Variants in AGAP1 observed in about 807,000 individuals in gnomAD.
The protein encoded by AGAP1 is ArfGAP with GTPase domain, ankyrin repeat and PH domain 1.
Under a neutral mutation model 105.3 loss-of-function variants are expected in AGAP1, and 29 were observed. The ratio of observed to expected loss-of-function variants is 0.28; its 90% CI spans 0.21 to 0.38. The LOEUF (loss-of-function observed/expected upper bound fraction) is 0.38. Among genes scored for constraint, AGAP1 ranks in the 10% least tolerant of loss-of-function variants. The pLI, the probability that AGAP1 is intolerant of heterozygous loss-of-function variation, is 1.00. For missense variants in AGAP1, 998 were observed against 1,165.1 expected, an observed-to-expected ratio of 0.86 and a Z score of 2.09; for synonymous variants, 509 against 485.9, an observed-to-expected ratio of 1.05 and a Z score of -0.63.
At chr2:235,836,859 G>A (rs1035248344) in intron 9 of AGAP1, among the ~76,000 whole-genome samples, 3 of 152,176 alleles carry the variant, frequency 2.0e-5, no homozygotes, top group South Asian at 2.1e-4. Flanking sequence ...CAGGAGGAAC[G>A]GGTTACACTG....
At chr2:235,514,159 C>CGT (rs1455670494) in intron 1 of AGAP1, among the ~76,000 whole-genome samples, 2 of 66,308 alleles carry the variant, frequency 3.0e-5, no homozygotes, top group African/African-American at 1.2e-4. Flanking sequence ...CGCGTGCGCG[C>CGT]GCGCACACAC....
In AGAP1 at chr2:236,111,164, G is replaced by C. The variant is rs145878370; in HGVS notation, c.2115-9028G>C. On this transcript the variant is annotated intron_variant, in intron 16 of 17. Coordinates refer to ENST00000304032, the MANE Select transcript of AGAP1 (RefSeq NM_001037131.3). ...ACACAAACACACAGCAGTGATAAAA[G>C]AGCAGACTTTGTTGATAAATCCGTG... Among the ~76,000 whole-genome samples, 904 of 152,292 alleles carry C rather than the reference G, an allele frequency of 5.9e-3. 44 individuals are homozygous for C. Among genetic ancestry groups the C allele is most frequent in the Admixed American group, 0.054 (823 of 15,296 alleles).
rs2077712 is a variant in AGAP1 at position 236,044,172 on chromosome 2, G to A, written c.1891+3331G>A. Among the ~76,000 whole-genome samples, 16,122 of 152,108 alleles carry A rather than the reference G, an allele frequency of 0.11. 1,064 individuals are homozygous for A. Among genetic ancestry groups the A allele is most frequent in the Non-Finnish European group, 0.15 (10,133 of 67,966 alleles). ...CGACTCCCAGGAAGTTGCAGCCTTC[G>A]GACACCTGTGCTTCCGGGGAGTACT... On this transcript the variant is annotated intron_variant, in intron 15 of 17. Transcript: ENST00000304032. This position sits in a 1 kb window ranked among gnomAD's most constrained non-coding sequence, Gnocchi z 5.7.
At position 236,046,944 on chromosome 2, in the gene AGAP1, A is replaced by G. The variant is rs1447447650; in HGVS notation, c.1892-2115A>G. Among the ~76,000 whole-genome samples, 1 of 152,204 alleles carries G rather than the reference A, an allele frequency of 6.6e-6. No homozygotes were observed. Among genetic ancestry groups the G allele is most frequent in the Admixed American group, 6.5e-5 (1 of 15,286 alleles). On this transcript the variant is annotated intron_variant, in intron 15 of 17. Coordinates refer to ENST00000304032, the MANE Select transcript of AGAP1 (RefSeq NM_001037131.3). The surrounding 1 kb of genome is among the most constrained non-coding windows in gnomAD (Gnocchi z 5.2). ...GCCCAGTGGTTGAAGCCTGGGCAAC[A>G]TAGCAAGACCCCATCTGTGCAAAAA...
intron 1 of AGAP1, among the ~76,000 whole-genome samples, chr2:235,640,207 C>A (rs1416378748): frequency 6.6e-6 from 1 of 152,242 alleles, no homozygotes; most frequent in Non-Finnish European, 1.5e-5. Flanking sequence ...ACAGTTGTTT[C>A]AGGCAAGCTT....
At chr2:236,033,838 A>G (rs2057298562) in intron 13 of AGAP1, among the ~76,000 whole-genome samples, 1 of 152,242 alleles carries the variant, frequency 6.6e-6, no homozygotes, top group Non-Finnish European at 1.5e-5. Flanking sequence ...GGAAAGCTTT[A>G]CAGGGGACCA....
Position 236,062,089 on chromosome 2 carries a change from G to GCGGA in AGAP1, c.2114+12812_2114+12815dup, listed in dbSNP as rs2058212967. Among the ~76,000 whole-genome samples the GCGGA allele has an allele frequency of 6.6e-6, 1 of 152,120 alleles. No homozygotes were observed. The highest frequency in any genetic ancestry group is 1.5e-5 in the Non-Finnish European group (1 of 68,020). ...TGCACTGCAGCCAAATTCCTGCCCTGCGGACGGCCCACAGGGGAGCGAGAG... is the reference window on the plus strand; with the variant it reads ...TGCACTGCAGCCAAATTCCTGCCCTGCGGACGGACGGCCCACAGGGGAGCGAGAG... On this transcript the variant is annotated intron_variant, in intron 16 of 17. Transcript: ENST00000304032. The surrounding 1 kb of genome is among the most constrained non-coding windows in gnomAD (Gnocchi z 4.2).
intron 4 of AGAP1, among the ~76,000 whole-genome samples, chr2:235,743,999 T>C (rs1421281541): frequency 1.3e-5 from 2 of 152,202 alleles, no homozygotes; most frequent in African/African-American, 4.8e-5. Context: ...CAAAAGAGGA[T>C]GTGATGTAGG....
In AGAP1 at chr2:236,043,085, G is replaced by A. The variant is rs78456552; in HGVS notation, c.1891+2244G>A. Among the ~76,000 whole-genome samples, 127 of 152,342 alleles carry A rather than the reference G, an allele frequency of 8.3e-4. 2 individuals carry two copies. The East Asian group carries it at 0.022, about 26-fold the overall frequency. On this transcript the variant is annotated intron_variant, in intron 15 of 17. Transcript: ENST00000304032. ...ATTTTCTCAAGAATGGAAAGGCTCA[G>A]AAGATGTAGCACATTGGCAAGGATT...
chr2:236,117,562 A>G (rs1042373772), intron 16 of AGAP1, among the ~76,000 whole-genome samples: 29 of 152,356 alleles, frequency 1.9e-4, no homozygotes, highest in Non-Finnish European at 3.5e-4. Flanking sequence ...TAGTTCAGTT[A>G]TGTGGTTTAT....
At chr2:235,593,492 C>T (rs747229131) in intron 1 of AGAP1, among the ~76,000 whole-genome samples, 3 of 152,106 alleles carry the variant, frequency 2.0e-5, no homozygotes, top group Non-Finnish European at 2.9e-5. Context: ...TTAAATGTTT[C>T]TGATGAACTG....
intron 12 of AGAP1, among the ~76,000 whole-genome samples, chr2:235,938,426 A>G (rs2053095750): frequency 6.6e-6 from 1 of 152,234 alleles, no homozygotes; most frequent in Non-Finnish European, 1.5e-5. Flanking sequence ...GTATGAAGAC[A>G]GGGAGGGTGA....
intron 1 of AGAP1, among the ~76,000 whole-genome samples, chr2:235,627,478 G>A (rs567282397): frequency 1.8e-4 from 28 of 152,202 alleles, no homozygotes; most frequent in Non-Finnish European, 5.9e-5. Context: ...GTCCACCTTG[G>A]CCTCCCAAGG....
At position 235,614,952 on chromosome 2, in the gene AGAP1, A is replaced by G. The variant is rs941169416; in HGVS notation, c.164-94227A>G. Among the ~76,000 whole-genome samples, 2 of 152,216 alleles carry G rather than the reference A, an allele frequency of 1.3e-5. No individual in the cohort carries two copies. The highest frequency in any genetic ancestry group is 4.8e-5 in the African/African-American group (2 of 41,454). On this transcript the variant is annotated intron_variant, in intron 1 of 17. Coordinates refer to ENST00000304032, the MANE Select transcript of AGAP1 (RefSeq NM_001037131.3). This position sits in a 1 kb window ranked among gnomAD's most constrained non-coding sequence, Gnocchi z 4.7. ...CACTGGGGCCGACTTGAAAATAGTC[A>G]AAGTCCAAGTAAACTTCTGCCTGTG...
rs35278826 is a variant in AGAP1 at position 235,968,422 on chromosome 2, A to ATTT, written c.1484-25_1484-23dup. On this transcript the variant is annotated intron_variant, in intron 12 of 17. Transcript: ENST00000304032. ...TCTGCTTTGTAAGTGCTCACTCTGC[A>ATTT]TTTTTTTTTTTTTTTTTGCCTTTTC... 6.3e-4 allele frequency: 921 copies of ATTT among 1,451,870 alleles called. 2 individuals are homozygous for ATTT. In the African/African-American group the frequency reaches 0.013, roughly 21 times the overall value. 89.9% of individuals were successfully genotyped at this position (1,451,870 alleles called of 1,614,324 possible). A position where few individuals can be genotyped will look rare whatever the true frequency, so the allele number is the denominator to read the frequency against.
chr2:235,605,655 A>C (rs562824285), intron 1 of AGAP1, among the ~76,000 whole-genome samples: 1 of 152,362 alleles, frequency 6.6e-6, no homozygotes, highest in Non-Finnish European at 1.5e-5. Flanking sequence ...GAAAAATTTA[A>C]GCATTTTAGA....
chr2:235,887,831 C>A lies in AGAP1; in HGVS notation c.1155+4382C>A, dbSNP rs184208144. ...GGAAACTAGCATGCTTTTGGGGAGA[C>A]GGGATTCTAATCAGCTAATACTTCT... On this transcript the variant is annotated intron_variant, in intron 10 of 17. Transcript: ENST00000304032. The surrounding 1 kb of genome is among the most constrained non-coding windows in gnomAD (Gnocchi z 4.1). 1.6e-3 allele frequency among the ~76,000 whole-genome samples: 238 copies of A among 152,292 alleles called. 1 individual carries two copies. Among genetic ancestry groups the A allele is most frequent in the African/African-American group, 4.9e-3 (205 of 41,560 alleles).
chr2:235,985,524 C>G (rs2055276439), intron 13 of AGAP1, among the ~76,000 whole-genome samples: 1 of 152,086 alleles, frequency 6.6e-6, no homozygotes, highest in Admixed American at 6.5e-5. Flanking sequence ...AGTCTTTGCC[C>G]ATGTCTATGT....
chr2:235,907,895 AAT>A (rs1445119220), intron 10 of AGAP1, among the ~76,000 whole-genome samples: 15 of 152,146 alleles, frequency 9.9e-5, no homozygotes, highest in Admixed American at 7.2e-4. Context: ...GATATCAAGT[AAT>A]ATGTGTCCAG....
Sources: allele counts gnomAD v4.1 joint callset (sites outside exome capture counted in the v4.1 genomes callset), GRCh38; gene constraint gnomAD v4.1.1; non-coding constraint Gnocchi (gnomAD v3.1); transcripts MANE v1.5; gene names NCBI Gene and HGNC (gene_info 2026-07-23, HGNC 2026-07-21).